MATN1: variants seen among roughly 807,000 people sequenced by gnomAD.
MATN1 encodes matrilin 1.
A neutral mutation model predicts 41.3 loss-of-function variants in MATN1; 34 were observed. That is an observed-to-expected ratio of 0.82 (90% CI 0.63 to 1.10). The LOEUF is 1.10. Among genes scored for constraint, MATN1 ranks in the 50% least tolerant of loss-of-function variants. The pLI is 0.00. For missense variants in MATN1, 602 were observed against 662.4 expected (o/e 0.91, Z 1.00); for synonymous variants, 264 against 278.7 (o/e 0.95, Z 0.53).
At position 30,718,354 on chromosome 1, in the gene MATN1, T is replaced by C. The variant is rs374874345; in HGVS notation, c.664+381A>G. On this transcript the variant is annotated intron_variant, in intron 3 of 7. Coordinates refer to ENST00000373765, the MANE Select transcript of MATN1 (RefSeq NM_002379.3). ...GGCCCTGCCCCTGGAGCCGACTCTCTCCGCCTCCGCCCCGGTCCCGCCCTG... is the reference window on the plus strand; with the variant it reads ...GGCCCTGCCCCTGGAGCCGACTCTCCCCGCCTCCGCCCCGGTCCCGCCCTG... 257 of 206,760 alleles carry C rather than the reference T, an allele frequency of 1.2e-3. 2 individuals are homozygous for C. Among genetic ancestry groups the C allele is most frequent in the South Asian group, 6.9e-3 (91 of 13,246 alleles). The allele number at this position is 206,760 out of a possible 1,614,324, so 12.8% of individuals were successfully genotyped here.
At position 30,716,261 on chromosome 1, in the gene MATN1, A is replaced by T; in HGVS notation, c.855T>A (p.Ser285Arg). ...CCAGCTCAAAGTTCTCTGGCCTCAC[A>T]CTCTTGGATCCGTCAATGAGGAAGA... ...DLVFLIDGSKSVRPENFELVK... is the reference protein window; with the variant it reads ...DLVFLIDGSKRVRPENFELVK... The change falls in exon 5 of 8, where the codon AGT becomes AGA. Residue 285 changes from serine (S) to arginine (R), a missense_variant. By Grantham distance (110) the Ser-to-Arg change is moderately radical. Coordinates refer to ENST00000373765, the MANE Select transcript of MATN1 (RefSeq NM_002379.3). 6 of 1,613,752 alleles carry T rather than the reference A, an allele frequency of 3.7e-6. No individual in the cohort carries two copies. Among genetic ancestry groups the T allele is most frequent in the Non-Finnish European group, 5.1e-6 (6 of 1,179,944 alleles).
chr1:30,713,357 G>C lies in MATN1; in HGVS notation c.*225C>G. The C allele has an allele frequency of 1.7e-6, 1 of 574,540 alleles. No individual in the cohort carries two copies. The allele number at this position is 574,540 out of a possible 1,614,324, so 35.6% of individuals were successfully genotyped here. A position where few individuals can be genotyped will look rare whatever the true frequency, so the allele number is the denominator to read the frequency against. On this transcript the variant is annotated 3_prime_UTR_variant, in exon 8 of 8. Transcript: ENST00000373765. Reference sequence around the variant, plus strand: ...ACACTCACATTCTGGCAAGACTCATGCCCACCCTCAGGCGCACGTGCACAC... The same window carrying C: ...ACACTCACATTCTGGCAAGACTCATCCCCACCCTCAGGCGCACGTGCACAC...
In MATN1 at chr1:30,713,403, GCACA is replaced by G; in HGVS notation, c.*175_*178del. ...CACACACACACACACACACACACAT[GCACA>G]CATACACACACGCACACATACACAC... On this transcript the variant is annotated 3_prime_UTR_variant, in exon 8 of 8. Coordinates refer to ENST00000373765, the MANE Select transcript of MATN1 (RefSeq NM_002379.3). 4.8e-6 allele frequency: 3 copies of G among 621,308 alleles called. No individual in the cohort carries two copies. The highest frequency in any genetic ancestry group is 2.8e-5 in the East Asian group (1 of 35,570). The allele number at this position is 621,308 out of a possible 1,614,324, so 38.5% of individuals were successfully genotyped here. A position where few individuals can be genotyped will look rare whatever the true frequency, so the allele number is the denominator to read the frequency against.
Position 30,718,682 on chromosome 1 carries a change from C to T in MATN1, c.664+53G>A, listed in dbSNP as rs914527551. 19 of 1,398,688 alleles carry T rather than the reference C, an allele frequency of 1.4e-5. 2 individuals carry two copies. The African/African-American group carries it at 2.5e-4, about 18-fold the overall frequency. 86.6% of individuals were successfully genotyped at this position (1,398,688 alleles called of 1,614,324 possible). On this transcript the variant is annotated intron_variant, in intron 3 of 7. Transcript: ENST00000373765. ...GCCTCCAGCCCTGGCCCCGCCCCGCCGCTCTCCCCTTCTCCGCCCCTGCCC... is the reference window on the plus strand; with the variant it reads ...GCCTCCAGCCCTGGCCCCGCCCCGCTGCTCTCCCCTTCTCCGCCCCTGCCC...
At chr1:30,713,982 T>G (rs1569825378) in intron 7 of MATN1, 1 of 582,730 alleles carries the variant, frequency 1.7e-6, no homozygotes, top group Non-Finnish European at 3.1e-6. Context: ...TCCATGTTCT[T>G]CAGAGCATGT....
chr1:30,722,057 T>A (rs1639702244), intron 1 of MATN1, among the ~76,000 whole-genome samples: 1 of 147,682 alleles, frequency 6.8e-6, no homozygotes, highest in South Asian at 2.1e-4. Flanking sequence ...CCTTACAGGA[T>A]GTTTTGAGGA....
In MATN1 at chr1:30,716,839, G is replaced by A. The variant is rs148335875; in HGVS notation, c.741C>T (p.Cys247=). 82 of 1,613,954 alleles carry A rather than the reference G, an allele frequency of 5.1e-5. No homozygotes were observed. The Middle Eastern group carries it at 2.5e-3, about 49-fold the overall frequency. The change falls in exon 4 of 8, where the codon TGC becomes TGT. Residue 247 remains cysteine, a synonymous_variant. Transcript: ENST00000373765. The stretch of plus-strand genomic sequence containing the variant: ...TCAGAGTGAAGCCCTCGTGGCAGGC[G>A]CAGGTGTAGGAACCGGGGGAGCTGA... The part of the protein sequence containing the change: ...VCISSPGSYT[C]ACHEGFTLNS...
Position 30,718,967 on chromosome 1 carries a change from G to A in MATN1, c.442-10C>T, listed in dbSNP as rs1272729444. ...TCACCACGATGACCACCTGCGACAC[G>A]CGGGGCGGTGTGACACCGGGCTCCC... On this transcript the variant is annotated splice_polypyrimidine_tract_variant and intron_variant, in intron 2 of 7. Transcript: ENST00000373765. The A allele has an allele frequency of 4.0e-6, 6 of 1,488,630 alleles. No homozygotes were observed. The Middle Eastern group carries it at 7.6e-4, about 190-fold the overall frequency. 92.2% of individuals were successfully genotyped at this position (1,488,630 alleles called of 1,614,324 possible).
intron 2 of MATN1, chr1:30,720,220 G>A (rs1639679120): frequency 6.6e-6 from 1 of 152,140 alleles, no homozygotes; most frequent in Admixed American, 6.5e-5. Context: ...CTGAACACCT[G>A]GAGTCTGGTG....
Position 30,713,257 on chromosome 1 carries a change from G to T in MATN1, c.*325C>A. ...CAAGAAAGGGTTAACTAAAAAAGAT[G>T]GGAATATATTAAGCTTTTGATTATA... On this transcript the variant is annotated 3_prime_UTR_variant, in exon 8 of 8. Transcript: ENST00000373765. 1 of 334,298 alleles carries T rather than the reference G, an allele frequency of 3.0e-6. No homozygotes were observed. Among genetic ancestry groups the T allele is most frequent in the Non-Finnish European group, 5.6e-6 (1 of 178,862 alleles). The allele number at this position is 334,298 out of a possible 1,614,324, so 20.7% of individuals were successfully genotyped here.
At position 30,712,638 on chromosome 1, in the gene MATN1, A is replaced by C. The variant is rs1360282752; in HGVS notation, c.*944T>G. The stretch of plus-strand genomic sequence containing the variant: ...CTGGTCCCTCTGGCTGGTGGGGGTG[A>C]CATGAGCACCCTGCTCAACTGTATG... On this transcript the variant is annotated 3_prime_UTR_variant, in exon 8 of 8. Coordinates refer to ENST00000373765, the MANE Select transcript of MATN1 (RefSeq NM_002379.3). The C allele has an allele frequency of 6.6e-6, 1 of 152,338 alleles. No homozygotes were observed. Among genetic ancestry groups the C allele is most frequent in the Non-Finnish European group, 1.5e-5 (1 of 68,176 alleles). The allele number at this position is 152,338 out of a possible 1,614,324, so 9.4% of individuals were successfully genotyped here. A position where few individuals can be genotyped will look rare whatever the true frequency, so the allele number is the denominator to read the frequency against.
At chr1:30,720,078 C>T (rs1054481106) in intron 2 of MATN1, 2 of 147,450 alleles carry the variant, frequency 1.4e-5, no homozygotes, top group African/African-American at 4.9e-5. Flanking sequence ...GGGCTCCTGG[C>T]TCTGAAAATC....
At position 30,713,647 on chromosome 1, in the gene MATN1, AG is replaced by A; in HGVS notation, c.1442-17del. 1 of 1,552,590 alleles carries A rather than the reference AG, an allele frequency of 6.4e-7. No homozygotes were observed. Among genetic ancestry groups the A allele is most frequent in the Non-Finnish European group, 8.7e-7 (1 of 1,147,272 alleles). On this transcript the variant is annotated splice_polypyrimidine_tract_variant and intron_variant, in intron 7 of 7. Transcript: ENST00000373765. ...ACAGCTTCCAGTGGACTCAGAGTTA[AG>A]GAGAGGTGCAGGTTGGCCAGAGCAG...
chr1:30,716,174 C>T lies in MATN1; in HGVS notation c.942G>A (p.Val314=), dbSNP rs1315612979. 6.2e-7 allele frequency: 1 copy of T among 1,614,124 alleles called. No homozygotes were observed. The highest frequency in any genetic ancestry group is 1.3e-5 in the African/African-American group (1 of 74,948). ...CAGAGCTTGAGTACTGCACCAGCCC[C>T]ACCTGGGCCAGCTTGTCTGACACGT... The part of the protein sequence containing the change: ...TLDVSDKLAQ[V]GLVQYSSSVR... The change falls in exon 5 of 8, where the codon GTG becomes GTA. Residue 314 remains valine (V), a synonymous_variant. Transcript: ENST00000373765.
rs149208974 is a variant in MATN1 at position 30,719,449 on chromosome 1, C to T, written c.442-492G>A. 914 of 157,158 alleles carry T rather than the reference C, an allele frequency of 5.8e-3. 37 individuals are homozygous for T. The highest frequency in any genetic ancestry group is 0.011 in the East Asian group (60 of 5,298). 9.7% of individuals were successfully genotyped at this position (157,158 alleles called of 1,614,324 possible). ...GGCTGCCGTCTCCCGTCTTGCTGTC[C>T]TTGTCCCGGTAAGACCGGGGACCCT... On this transcript the variant is annotated intron_variant, in intron 2 of 7. Coordinates refer to ENST00000373765, the MANE Select transcript of MATN1 (RefSeq NM_002379.3).
chr1:30,721,903 A>C, intron 1 of MATN1, 152 bp from the exon 2 acceptor site: 1 of 630,582 alleles, frequency 1.6e-6, no homozygotes, highest in Non-Finnish European at 2.8e-6. Flanking sequence ...CCCTTTTATC[A>C]ACATGCAGAC....
At chr1:30,714,889 A>T (rs903752197) in intron 6 of MATN1, among the ~76,000 whole-genome samples, 2 of 152,200 alleles carry the variant, frequency 1.3e-5, no homozygotes, top group Non-Finnish European at 2.9e-5. Flanking sequence ...TATCCCATCT[A>T]TAAAATGGGG....
rs970730204 is a variant in MATN1 at position 30,712,127 on chromosome 1, A to G, written c.*1455T>C. 12 of 152,168 alleles carry G rather than the reference A, an allele frequency of 7.9e-5. No individual in the cohort carries two copies. The highest frequency in any genetic ancestry group is 3.3e-4 in the Admixed American group (5 of 15,280). The allele number at this position is 152,168 out of a possible 1,614,324, so 9.4% of individuals were successfully genotyped here. On this transcript the variant is annotated 3_prime_UTR_variant, in exon 8 of 8. Transcript: ENST00000373765. ...TCTGAGCTTCTTGTAAAAGCCTTTT[A>G]GACATGCTCTCAAGTGTGAATCTAG... is the stretch of plus-strand genomic sequence containing the variant.
rs34937644 is a variant in MATN1, at chr1:30,712,704, TC to T, written c.*877del. The T allele has an allele frequency of 0.54, 82,018 of 151,662 alleles. 23,040 individuals are homozygous for T. Among genetic ancestry groups the T allele is most frequent in the African/African-American group, 0.7 (28,822 of 41,318 alleles). The allele number at this position is 151,662 out of a possible 1,614,324, so 9.4% of individuals were successfully genotyped here. On this transcript the variant is annotated 3_prime_UTR_variant, in exon 8 of 8. Coordinates refer to ENST00000373765, the MANE Select transcript of MATN1 (RefSeq NM_002379.3). ...ACTACGTCTGTCTCATACAGCACCA[TC>T]CCCCCCCACCGCCATTGCCCTGTAA...
Sources: gnomAD v4.1 joint callset for allele counts (sites outside exome capture counted in the v4.1 genomes callset) on GRCh38, gnomAD v4.1.1 for gene constraint, MANE v1.5 for transcripts, NCBI Gene and HGNC (gene_info 2026-07-23, HGNC 2026-07-21) for gene names.